MAP3K14: variants seen among roughly 807,000 people sequenced by gnomAD.
MAP3K14 encodes the protein NF-kappa-beta-inducing kinase.
Under a neutral mutation model 99.2 loss-of-function variants are expected in MAP3K14, and 16 were observed. The ratio of observed to expected loss-of-function variants is 0.16; its 90% CI spans 0.11 to 0.24. The LOEUF is 0.24. Ranked by LOEUF, MAP3K14 falls within the 10% of genes least tolerant of loss-of-function variation. The pLI is 1.00. For synonymous variants in MAP3K14, 462 were observed against 492.4 expected, an observed-to-expected ratio of 0.94 and a Z score of 0.82; for missense variants, 784 against 1,208.7, an observed-to-expected ratio of 0.65 and a Z score of 5.21.
At chr17:45,313,783 G>A (rs2044504706) in intron 1 of MAP3K14, among the ~76,000 whole-genome samples, 2 of 152,166 alleles carry the variant, frequency 1.3e-5, no homozygotes, top group South Asian at 4.1e-4. Context: ...GTTTCGTTAT[G>A]TTCAAAATTG....
At chr17:45,276,072 C>A (rs1234930060) in intron 6 of MAP3K14, among the ~76,000 whole-genome samples, 2 of 151,868 alleles carry the variant, frequency 1.3e-5, no homozygotes, top group Non-Finnish European at 2.9e-5. Context: ...CAACACTTTT[C>A]TTTCCCGGAG....
intron 1 of MAP3K14, among the ~76,000 whole-genome samples, chr17:45,300,055 C>T (rs551701688): frequency 7.1e-4 from 108 of 152,260 alleles, no homozygotes; most frequent in Middle Eastern, 3.4e-3. Flanking sequence ...CGCCACTGCA[C>T]TCCAGCCTGG....
Position 45,286,647 on chromosome 17 carries a change from G to A in MAP3K14, c.936C>T (p.Pro312=), listed in dbSNP as rs769466496. The A allele has an allele frequency of 1.9e-6, 3 of 1,610,558 alleles. No individual in the cohort carries two copies. The African/African-American group carries it at 4.0e-5, about 21-fold the overall frequency. ...SKLACVDSPK[P]LPGPHLEPSC... ...TGGGCTCCAGGTGTGGGCCAGGCAG[G>A]GGCTTTGGACTGTCTACACAGGCCA... Residue 312 remains proline, a synonymous_variant, in exon 5 of 16, where the codon CCC becomes CCT. Transcript: ENST00000344686. The surrounding 1 kb of genome is among the most constrained non-coding windows in gnomAD (Gnocchi z 4.1).
rs2044150094 is a variant in MAP3K14 at position 45,272,724 on chromosome 17, A to G, written c.1657+779T>C. 6.6e-6 allele frequency among the ~76,000 whole-genome samples: 1 copy of G among 152,126 alleles called. No homozygotes were observed. On this transcript the variant is annotated intron_variant, in intron 9 of 15. Transcript: ENST00000344686. The surrounding 1 kb of genome is among the most constrained non-coding windows in gnomAD (Gnocchi z 4.1). ...GGAGGCTGAGTGGGGCGGATCACCT[A>G]AGGTCTGGAGTTTGAGACTGGCCTG...
intron 1 of MAP3K14, among the ~76,000 whole-genome samples, chr17:45,311,066 C>T (rs2044474081): frequency 6.6e-6 from 1 of 152,130 alleles, no homozygotes. Context: ...CAGCAGAGTA[C>T]AGTGAAGAGT....
intron 1 of MAP3K14, among the ~76,000 whole-genome samples, chr17:45,291,249 T>A (rs1434112876): frequency 1.3e-5 from 2 of 152,060 alleles, no homozygotes; most frequent in Non-Finnish European, 2.9e-5. Flanking sequence ...TTTCTCCAAG[T>A]GGAGAGAAGC....
chr17:45,278,186 T>C (rs2044193998), intron 6 of MAP3K14, among the ~76,000 whole-genome samples: 2 of 152,204 alleles, frequency 1.3e-5, no homozygotes, highest in South Asian at 2.1e-4. Context: ...TGCAGAAATC[T>C]GTAAGTCCTC....
intron 6 of MAP3K14, among the ~76,000 whole-genome samples, chr17:45,275,885 C>A (rs1350226866): frequency 6.6e-6 from 1 of 151,738 alleles, no homozygotes; most frequent in Non-Finnish European, 1.5e-5. Context: ...CCTCAGCCTC[C>A]CGAGTAGCTG....
chr17:45,306,277 T>C (rs2044429541), intron 1 of MAP3K14, among the ~76,000 whole-genome samples: 1 of 152,004 alleles, frequency 6.6e-6, no homozygotes, highest in Non-Finnish European at 1.5e-5. Context: ...GACTTTTATG[T>C]CAAAGCCCAT....
intron 6 of MAP3K14, among the ~76,000 whole-genome samples, chr17:45,282,350 GT>G (rs1365581877): frequency 6.6e-6 from 1 of 152,046 alleles, no homozygotes; most frequent in African/African-American, 2.4e-5. Context: ...TTGCCCAGGA[GT>G]TTGAGTCCAG....
At chr17:45,300,029 C>T (rs1255607851) in intron 1 of MAP3K14, among the ~76,000 whole-genome samples, 2 of 152,134 alleles carry the variant, frequency 1.3e-5, no homozygotes, top group Non-Finnish European at 2.9e-5. Flanking sequence ...GTGGAGGTTG[C>T]AGTGAGCCGA....
chr17:45,276,598 G>A (rs944800909), intron 6 of MAP3K14, among the ~76,000 whole-genome samples: 46 of 150,838 alleles, frequency 3.0e-4, no homozygotes, highest in African/African-American at 6.6e-4. Flanking sequence ...TACAACCTCC[G>A]CCTCCTGGGT....
Position 45,267,131 on chromosome 17 carries a change from G to T in MAP3K14, c.2394C>A (p.Leu798=), listed in dbSNP as rs778794691. ...CCGACAGGGAGAGGCTGTCGATGCT[G>T]AGGCACGAGAGAATTTGCTCCTGCT... is the stretch of plus-strand genomic sequence containing the variant. The part of the protein sequence containing the change: ...LEEQEQILSC[L]SIDSLSLSDD... The change falls in exon 13 of 16, where the codon CTC becomes CTA. Residue 798 remains leucine (L), a synonymous_variant. Transcript: ENST00000344686. The surrounding 1 kb of genome is among the most constrained non-coding windows in gnomAD (Gnocchi z 5.1). 6.2e-7 allele frequency: 1 copy of T among 1,600,198 alleles called. No homozygotes were observed. Among genetic ancestry groups the T allele is most frequent in the South Asian group, 1.1e-5 (1 of 88,454 alleles).
rs2044161462 is a variant in MAP3K14 at position 45,274,172 on chromosome 17, C to T, written c.1503G>A (p.Glu501=). ...TTCGTGAGTGGAGGTATTCCAGACCCTCCAGGGCCTGGCCCAGGTAGTACA... is the reference window on the plus strand; with the variant it reads ...TTCGTGAGTGGAGGTATTCCAGACCTTCCAGGGCCTGGCCCAGGTAGTACA... ...RALYYLGQAL[E]GLEYLHSRRI... Residue 501 remains glutamate (E), a synonymous_variant, in exon 8 of 16, where the codon GAG becomes GAA. Transcript: ENST00000344686. The T allele has an allele frequency of 2.5e-6, 4 of 1,604,480 alleles. No homozygotes were observed. Among genetic ancestry groups the T allele is most frequent in the Non-Finnish European group, 3.4e-6 (4 of 1,175,444 alleles).
At chr17:45,313,327 G>GAAC (rs754915065) in intron 1 of MAP3K14, among the ~76,000 whole-genome samples, 132 of 151,852 alleles carry the variant, frequency 8.7e-4, no homozygotes, top group Non-Finnish European at 1.3e-3. Flanking sequence ...CCACCAACAA[G>GAAC]AACAACAACA....
chr17:45,286,399 G>C lies in MAP3K14; in HGVS notation c.1152+32C>G. 6.5e-7 allele frequency: 1 copy of C among 1,535,538 alleles called. No homozygotes were observed. Among genetic ancestry groups the C allele is most frequent in the South Asian group, 1.3e-5 (1 of 79,386 alleles). ...AAGCATCCCCCAGGTTGCTGGTAGA[G>C]GGACATATACAGGTGCCGGGGGATT... is the stretch of plus-strand genomic sequence containing the variant. On this transcript the variant is annotated intron_variant, in intron 5 of 15. Coordinates refer to ENST00000344686, the MANE Select transcript of MAP3K14 (RefSeq NM_003954.5). The surrounding 1 kb of genome is among the most constrained non-coding windows in gnomAD (Gnocchi z 4.1).
At chr17:45,268,123 G>A (rs2044111117) in intron 11 of MAP3K14, 1 of 233,832 alleles carries the variant, frequency 4.3e-6, no homozygotes, top group Non-Finnish European at 8.2e-6. Flanking sequence ...CCCAGGCAAA[G>A]TGGCATCCTG....
Position 45,264,314 on chromosome 17 carries a change from T to C in MAP3K14, c.*322A>G, listed in dbSNP as rs34227628. On this transcript the variant is annotated 3_prime_UTR_variant, in exon 16 of 16. Coordinates refer to ENST00000344686, the MANE Select transcript of MAP3K14 (RefSeq NM_003954.5). Reference sequence around the variant, plus strand: ...CTCTCCCCTGTCTGCCAGCAAATGGTCACTGATCCAAGCGGGTCAGGCCAA... The same window carrying C: ...CTCTCCCCTGTCTGCCAGCAAATGGCCACTGATCCAAGCGGGTCAGGCCAA... 9.8e-4 allele frequency: 236 copies of C among 241,800 alleles called. 1 individual carries two copies. The highest frequency in any genetic ancestry group is 5.0e-3 in the African/African-American group (221 of 44,386). The allele number at this position is 241,800 out of a possible 1,614,324, so 15.0% of individuals were successfully genotyped here. A position where few individuals can be genotyped will look rare whatever the true frequency, so the allele number is the denominator to read the frequency against.
chr17:45,284,881 G>A lies in MAP3K14; in HGVS notation c.1221C>T (p.Gly407=), dbSNP rs767399522. The change falls in exon 6 of 16, where the codon GGC becomes GGT. Residue 407 remains glycine (G), a synonymous_variant. Transcript: ENST00000344686. ...VHWATHQLRL[G]RGSFGEVHRM... is the part of the protein sequence containing the mutation. ...TGTGCACCTCTCCGAAGGAGCCTCT[G>A]CCCAGGCGGAGCTGGTGCGTGGCCC... 2 of 1,570,270 alleles carry A rather than the reference G, an allele frequency of 1.3e-6. No homozygotes were observed. Among genetic ancestry groups the A allele is most frequent in the South Asian group, 2.3e-5 (2 of 85,128 alleles).
Sources: gnomAD v4.1 joint callset for allele counts (sites outside exome capture counted in the v4.1 genomes callset) on GRCh38, gnomAD v4.1.1 for gene constraint, Gnocchi (gnomAD v3.1) non-coding constraint, MANE v1.5 for transcripts, NCBI Gene and HGNC (gene_info 2026-07-23, HGNC 2026-07-21) for gene names.